ZNF469: variants seen among roughly 807,000 people sequenced by gnomAD.
ZNF469 encodes zinc finger protein 469.
ZNF469 carries 1 observed loss-of-function variant against 1.0 expected under a neutral mutation model. The ratio of observed to expected loss-of-function variants is 1.00; its 90% CI spans 0.35 to 4.73. The LOEUF (loss-of-function observed/expected upper bound fraction) is 4.73. Ranked by LOEUF, ZNF469 falls within the 30% of genes most tolerant of loss-of-function variation. The probability of loss-of-function intolerance (pLI) is 0.16; values close to 1 mark genes in which losing one functional copy is unlikely to be tolerated. For synonymous variants in ZNF469, 2,703 were observed against 2,363.4 expected (o/e 1.14, Z -4.17); for missense variants, 6,100 against 5,356.3 (o/e 1.14, Z -4.33).
chr16:88,339,820 G>T, the ZNF469 span, among the ~76,000 whole-genome samples: 1 of 130,814 alleles, frequency 7.6e-6, no homozygotes, highest in South Asian at 2.8e-4. Flanking sequence ...AGGGGGACGA[G>T]GGGGCAGGAT....
the ZNF469 span, among the ~76,000 whole-genome samples, chr16:88,177,116 G>C: frequency 1.3e-5 from 2 of 152,212 alleles, no homozygotes; most frequent in African/African-American, 4.8e-5. The surrounding 1 kb of genome is among the most constrained non-coding windows in gnomAD (Gnocchi z 4.8). Context: ...GACTGGAGCA[G>C]AAACATTTCT....
At chr16:88,248,565 T>C in the ZNF469 span, among the ~76,000 whole-genome samples, 1 of 152,146 alleles carries the variant, frequency 6.6e-6, no homozygotes, top group Non-Finnish European at 1.5e-5. Context: ...AATTTTAACT[T>C]GTGTAGAATT....
Position 88,432,026 on chromosome 16 carries a change from C to T in ZNF469, c.4556C>T (p.Ser1519Leu), listed in dbSNP as rs767278971. 9 of 1,550,190 alleles carry T rather than the reference C, an allele frequency of 5.8e-6. No individual in the cohort carries two copies. The highest frequency in any genetic ancestry group is 2.7e-5 in the African/African-American group (2 of 73,018). The change falls in exon 3 of 3, where the codon TCG becomes TTG. Residue 1519 changes from serine to leucine, a missense_variant. Ser to Leu is a moderately radical substitution (Grantham distance 145). Transcript: ENST00000565624. ...PMLPSHFPDL[S>L]GGKVLSKTCP... ...CTGCCTAGCCATTTTCCTGATCTCT[C>T]GGGGGGAAAGGTGCTCAGTAAGACG...
At chr16:88,406,585 G>A (rs1891411732) in intron 1 of ZNF469, among the ~76,000 whole-genome samples, 1 of 152,186 alleles carries the variant, frequency 6.6e-6, no homozygotes, top group Non-Finnish European at 1.5e-5. Flanking sequence ...CAGGGTGAGG[G>A]ACTTAGACGC....
the ZNF469 span, among the ~76,000 whole-genome samples, chr16:88,318,873 C>G: frequency 1.5e-4 from 23 of 152,272 alleles, no homozygotes; most frequent in Non-Finnish European, 3.1e-4. Flanking sequence ...ACAGCTTGGC[C>G]CTCACGTGGT....
the ZNF469 span, chr16:88,194,667 G>T: frequency 6.6e-6 from 1 of 152,376 alleles, no homozygotes; most frequent in East Asian, 1.9e-4. Flanking sequence ...TTTGTGACTT[G>T]ATCAGGGTAG....
chr16:88,164,679 A>G, the ZNF469 span, among the ~76,000 whole-genome samples: 1 of 152,204 alleles, frequency 6.6e-6, no homozygotes. Flanking sequence ...ACTGTGCTTT[A>G]TGGCTCTGCC....
the ZNF469 span, among the ~76,000 whole-genome samples, chr16:88,282,072 A>C: frequency 6.6e-6 from 1 of 152,160 alleles, no homozygotes; most frequent in East Asian, 1.9e-4. Context: ...GGTTGGTATG[A>C]GCTGGCATTG....
the ZNF469 span, among the ~76,000 whole-genome samples, chr16:88,152,523 TG>T: frequency 6.6e-6 from 1 of 152,092 alleles, no homozygotes; most frequent in African/African-American, 2.4e-5. The surrounding 1 kb of genome is among the most constrained non-coding windows in gnomAD (Gnocchi z 4.2). Flanking sequence ...TGCCTCTCTG[TG>T]GAATCTGTCC....
chr16:88,427,737 G>A lies in ZNF469; in HGVS notation c.267G>A (p.Lys89=). ...AGGCCCCGAGCAGCACCCCTGGGAA[G>A]AGGGGCAGCCCCCAGACCCCACCGG... ...RGQAPSSTPG[K]RGSPQTPPGR... The change falls in exon 3 of 3, where the codon AAG becomes AAA. Residue 89 remains lysine, a synonymous_variant. Coordinates refer to ENST00000565624, the MANE Select transcript of ZNF469 (RefSeq NM_001367624.2). 1.3e-6 allele frequency: 2 copies of A among 1,540,042 alleles called. No individual in the cohort carries two copies. The highest frequency in any genetic ancestry group is 2.4e-5 in the East Asian group (1 of 40,836).
chr16:88,133,144 G>T, the ZNF469 span, among the ~76,000 whole-genome samples: 1 of 152,230 alleles, frequency 6.6e-6, no homozygotes, highest in Non-Finnish European at 1.5e-5. Flanking sequence ...CAGCTGTGCT[G>T]CAGCGTACCG....
intron 1 of ZNF469, among the ~76,000 whole-genome samples, chr16:88,397,070 AAGGGAGGCCAGGCAGAGACCCTGCTGC>A (rs1374468048): frequency 2.0e-5 from 3 of 151,940 alleles, no homozygotes; most frequent in South Asian, 2.1e-4. Flanking sequence ...GACCCTTCTG[AAGGGAGGCCAGGCAGAGACCCTGCTGC>A]AGGGAGGCCA....
the ZNF469 span, among the ~76,000 whole-genome samples, chr16:88,190,723 G>T: frequency 6.6e-6 from 1 of 152,248 alleles, no homozygotes; most frequent in Non-Finnish European, 1.5e-5. Flanking sequence ...ACAGAGGAGG[G>T]TGTTGGCTTG....
At chr16:88,133,454 C>G in the ZNF469 span, among the ~76,000 whole-genome samples, 6 of 152,192 alleles carry the variant, frequency 3.9e-5, no homozygotes, top group Admixed American at 3.9e-4. Context: ...GAATGGCAGA[C>G]GCCGCCTGGG....
At chr16:88,144,478 G>A in the ZNF469 span, among the ~76,000 whole-genome samples, 1 of 152,204 alleles carries the variant, frequency 6.6e-6, no homozygotes, top group African/African-American at 2.4e-5. Context: ...CGTCCCTCCA[G>A]CCACCCCAGC....
At chr16:88,277,777 G>A in the ZNF469 span, among the ~76,000 whole-genome samples, 1 of 45,304 alleles carries the variant, frequency 2.2e-5, no homozygotes, top group African/African-American at 6.5e-5. Context: ...TCAGTACCGT[G>A]TAGATATCAG....
chr16:88,369,513 G>T, the ZNF469 span, among the ~76,000 whole-genome samples: 1 of 152,182 alleles, frequency 6.6e-6, no homozygotes, highest in Non-Finnish European at 1.5e-5. Flanking sequence ...GACACAGCAG[G>T]GCATCATGTC....
the ZNF469 span, among the ~76,000 whole-genome samples, chr16:88,302,152 G>T: frequency 6.6e-6 from 1 of 152,186 alleles, no homozygotes; most frequent in African/African-American, 2.4e-5. Flanking sequence ...GGTAGTGGGA[G>T]ACTCGGGGGG....
chr16:88,431,988 A>G lies in ZNF469; in HGVS notation c.4518A>G (p.Glu1506=). 1.3e-6 allele frequency: 2 copies of G among 1,549,588 alleles called. No homozygotes were observed. Among genetic ancestry groups the G allele is most frequent in the East Asian group, 4.9e-5 (2 of 40,872 alleles). ...ACCCCTCTTTTTTGCTGCTTGAGGA[A>G]GTATCCCCGATGCTGCCTAGCCATT... ...PPYPSFLLLE[E]VSPMLPSHFP... The change falls in exon 3 of 3, where the codon GAA becomes GAG. Residue 1506 remains glutamate, a synonymous_variant. Coordinates refer to ENST00000565624, the MANE Select transcript of ZNF469 (RefSeq NM_001367624.2).
Sources: gnomAD v4.1 joint callset for allele counts (sites outside exome capture counted in the v4.1 genomes callset) on GRCh38, gnomAD v4.1.1 for gene constraint, Gnocchi (gnomAD v3.1) non-coding constraint, MANE v1.5 for transcripts, NCBI Gene and HGNC (gene_info 2026-07-23, HGNC 2026-07-21) for gene names.